The following PPFIA2 variants were observed in gnomAD, a reference collection of about 807,000 sequenced individuals.
The protein encoded by PPFIA2 is PPFI scaffold protein A2, also known as liprin-alpha-2.
A neutral mutation model predicts 175.5 loss-of-function variants in PPFIA2; 46 were observed. The ratio of observed to expected loss-of-function variants is 0.26; its 90% CI spans 0.21 to 0.34. The LOEUF (loss-of-function observed/expected upper bound fraction) is 0.34. Ranked by LOEUF, PPFIA2 falls within the 10% of genes least tolerant of loss-of-function variation. PPFIA2 has a pLI of 1.00. For synonymous variants in PPFIA2, 568 were observed against 511.4 expected, an observed-to-expected ratio of 1.11 and a Z score of -1.49; for missense variants, 1,179 against 1,506.1, an observed-to-expected ratio of 0.78 and a Z score of 3.60.
At chr12:81,559,801 GTTGTTT>G (rs2069609145) in intron 4 of PPFIA2, among the ~76,000 whole-genome samples, 1 of 119,854 alleles carries the variant, frequency 8.3e-6, no homozygotes, top group African/African-American at 3.3e-5. Flanking sequence ...ATGATGCTTA[GTTGTTT>G]TTTTTTTTGT....
At chr12:81,708,386 A>C (rs1043877420) in intron 3 of PPFIA2, among the ~76,000 whole-genome samples, 1 of 152,132 alleles carries the variant, frequency 6.6e-6, no homozygotes, top group Non-Finnish European at 1.5e-5. Flanking sequence ...TCATCCACCA[A>C]TTATTGTAAA....
At chr12:81,730,873 G>A (rs564295979) in intron 3 of PPFIA2, among the ~76,000 whole-genome samples, 23 of 151,176 alleles carry the variant, frequency 1.5e-4, no homozygotes, top group South Asian at 8.4e-4. Context: ...TAGAAGGCAC[G>A]AAAAGTATAA....
intron 4 of PPFIA2, among the ~76,000 whole-genome samples, chr12:81,533,692 A>AATCT (rs5799538): frequency 0.16 from 23,088 of 144,258 alleles, 1,870 homozygotes; most frequent in Non-Finnish European, 0.18. Flanking sequence ...TAAATTCACA[A>AATCT]ATCTATCTAT....
rs749841598 is a variant in PPFIA2 at position 81,732,504 on chromosome 12, GTT to G, written c.249+21467_249+21468del. ...TACCAAATAAAGAAATATGGATGAT[GTT>G]TTTTTTTAAAAAAAAAAAAAAAACA... On this transcript the variant is annotated intron_variant, in intron 3 of 32. Transcript: ENST00000549396. Among the ~76,000 whole-genome samples the G allele has an allele frequency of 2.0e-3, 212 of 107,086 alleles. 3 individuals are homozygous for G. The East Asian group carries it at 0.035, about 18-fold the overall frequency. 70.3% of individuals were successfully genotyped at this position (107,086 alleles called of 152,430 possible). A position where few individuals can be genotyped will look rare whatever the true frequency, so the allele number is the denominator to read the frequency against.
At chr12:81,529,518 G>GACAC (rs375183877) in intron 4 of PPFIA2, among the ~76,000 whole-genome samples, 2 of 149,756 alleles carry the variant, frequency 1.3e-5, no homozygotes, top group South Asian at 2.1e-4. Context: ...GAGAGAGAGA[G>GACAC]ACACACACAC....
chr12:81,661,512 A>T (rs1387817915), intron 4 of PPFIA2, among the ~76,000 whole-genome samples: 1 of 152,212 alleles, frequency 6.6e-6, no homozygotes, highest in East Asian at 1.9e-4. Flanking sequence ...TCCTAGATAT[A>T]TATGCGCCCA....
At chr12:81,694,323 T>C (rs2075635335) in intron 3 of PPFIA2, among the ~76,000 whole-genome samples, 2 of 152,054 alleles carry the variant, frequency 1.3e-5, no homozygotes, top group African/African-American at 2.4e-5. Context: ...GAAGAAAGAA[T>C]GGTTTCATGG....
At chr12:81,648,617 T>A (rs577154461) in intron 4 of PPFIA2, among the ~76,000 whole-genome samples, 8 of 151,952 alleles carry the variant, frequency 5.3e-5, no homozygotes, top group African/African-American at 1.9e-4. Flanking sequence ...CATGCAGGGT[T>A]TTTTCTTTTT....
At chr12:81,395,580 TCTGA>T (rs901347880) in intron 8 of PPFIA2, among the ~76,000 whole-genome samples, 3 of 151,970 alleles carry the variant, frequency 2.0e-5, no homozygotes, top group African/African-American at 7.2e-5. Flanking sequence ...AATTTCCTTA[TCTGA>T]CTGAAAACAC....
intron 17 of PPFIA2, among the ~76,000 whole-genome samples, chr12:81,351,012 G>T (rs2059911757): frequency 6.6e-6 from 1 of 152,030 alleles, no homozygotes; most frequent in Non-Finnish European, 1.5e-5. Context: ...GACACAATTG[G>T]GTTCATCACT....
intron 4 of PPFIA2, among the ~76,000 whole-genome samples, chr12:81,589,701 C>A (rs910363660): frequency 3.3e-5 from 5 of 152,048 alleles, no homozygotes; most frequent in Non-Finnish European, 4.4e-5. Flanking sequence ...GCTCTGGATT[C>A]AGAAAAACTA....
At chr12:81,318,094 A>G (rs2052811662) in intron 22 of PPFIA2, among the ~76,000 whole-genome samples, 1 of 151,694 alleles carries the variant, frequency 6.6e-6, no homozygotes, top group Non-Finnish European at 1.5e-5. Flanking sequence ...ACAAGGCCAT[A>G]AAGAACACGT....
intron 4 of PPFIA2, among the ~76,000 whole-genome samples, chr12:81,662,290 C>G (rs1253435661): frequency 1.3e-5 from 2 of 151,782 alleles, no homozygotes; most frequent in Non-Finnish European, 2.9e-5. Context: ...TCAACAAAGT[C>G]GATAGACCAC....
chr12:81,730,820 T>G (rs762006097), intron 3 of PPFIA2, among the ~76,000 whole-genome samples: 3 of 151,520 alleles, frequency 2.0e-5, no homozygotes, highest in Non-Finnish European at 4.4e-5. Context: ...AAACCTGAGT[T>G]AATCTAACTA....
intron 22 of PPFIA2, chr12:81,302,601 C>T (rs1343220592): frequency 4.8e-6 from 2 of 418,794 alleles, no homozygotes; most frequent in Admixed American, 2.6e-5. Context: ...GGCTGACATA[C>T]TTGAGACTGT....
chr12:81,712,915 T>C (rs763529472), intron 3 of PPFIA2, among the ~76,000 whole-genome samples: 1 of 151,046 alleles, frequency 6.6e-6, no homozygotes, highest in Non-Finnish European at 1.5e-5. Flanking sequence ...GTGACTAGAG[T>C]CTCACTAAAT....
chr12:81,428,802 T>A (rs1231079715), intron 7 of PPFIA2, among the ~76,000 whole-genome samples: 1 of 152,060 alleles, frequency 6.6e-6, no homozygotes, highest in Non-Finnish European at 1.5e-5. Context: ...GAATAATACG[T>A]TCCCAATAAG....
At chr12:81,685,042 G>C (rs1477821240) in intron 3 of PPFIA2, among the ~76,000 whole-genome samples, 1 of 151,872 alleles carries the variant, frequency 6.6e-6, no homozygotes, top group Non-Finnish European at 1.5e-5. Flanking sequence ...ATTAATAAAT[G>C]GTTCAAATAT....
intron 4 of PPFIA2, among the ~76,000 whole-genome samples, chr12:81,504,023 T>C (rs1040661161): frequency 6.6e-6 from 1 of 152,074 alleles, no homozygotes; most frequent in Non-Finnish European, 1.5e-5. Context: ...GACAGTGATA[T>C]ATTGGAGACA....
Sources: gnomAD v4.1 joint callset for allele counts (sites outside exome capture counted in the v4.1 genomes callset) on GRCh38, gnomAD v4.1.1 for gene constraint, MANE v1.5 for transcripts, NCBI Gene and HGNC (gene_info 2026-07-23, HGNC 2026-07-21) for gene names.